Variants in PDS5A observed in about 807,000 individuals in gnomAD.
PDS5A encodes the protein sister chromatid cohesion protein PDS5 homolog A.
PDS5A carries 42 observed loss-of-function variants against 167.1 expected under a neutral mutation model. The ratio of observed to expected loss-of-function variants is 0.25; its 90% CI spans 0.20 to 0.33. PDS5A has a LOEUF of 0.33. PDS5A is among the 10% of genes least tolerant of loss of function. The pLI, the probability that PDS5A is intolerant of heterozygous loss-of-function variation, is 1.00. For synonymous variants in PDS5A, 553 were observed against 554.6 expected, an observed-to-expected ratio of 1.00 and a Z score of 0.04; for missense variants, 1,033 against 1,605.9, an observed-to-expected ratio of 0.64 and a Z score of 6.10.
chr4:39,946,426 C>T (rs1035574259), intron 2 of PDS5A, among the ~76,000 whole-genome samples: 6 of 151,818 alleles, frequency 4.0e-5, no homozygotes, highest in Admixed American at 1.3e-4. Flanking sequence ...AAGTGGGCAT[C>T]GCCTTCCTAT....
At chr4:39,901,017 AC>A (rs1722831733) in intron 13 of PDS5A, among the ~76,000 whole-genome samples, 1 of 152,224 alleles carries the variant, frequency 6.6e-6, no homozygotes, top group Non-Finnish European at 1.5e-5. Context: ...TGCCAAATTT[AC>A]ATTATTGTGT....
chr4:39,954,698 C>T (rs200757560), intron 2 of PDS5A, among the ~76,000 whole-genome samples: 10 of 82,238 alleles, frequency 1.2e-4, no homozygotes, highest in Non-Finnish European at 2.4e-4. Flanking sequence ...AAAAAAAAAA[C>T]AGAAACAGAG....
intron 2 of PDS5A, among the ~76,000 whole-genome samples, chr4:39,945,447 C>A (rs376606206): frequency 8.4e-6 from 1 of 119,080 alleles, no homozygotes; most frequent in African/African-American, 3.5e-5. Flanking sequence ...GGCGACAGAG[C>A]GAGACTGCCT....
Position 39,900,432 on chromosome 4 carries a change from C to T in PDS5A, c.1575G>A (p.Gln525=). Residue 525 remains glutamine, a synonymous_variant, in exon 14 of 33, where the codon CAG becomes CAA. Coordinates refer to ENST00000303538, the MANE Select transcript of PDS5A (RefSeq NM_001100399.2). ...HVRELLDLHK[Q]PTSEANCSAM... is the part of the protein sequence containing the mutation. ...AAACAAATCATGAACCTACTGTAGG[C>T]TGCTTGTGCAAATCCAATAGTTCGC... is the stretch of plus-strand genomic sequence containing the variant. 1 of 1,569,510 alleles carries T rather than the reference C, an allele frequency of 6.4e-7. No homozygotes were observed.
Position 39,867,777 on chromosome 4 carries a change from CCA to C in PDS5A, c.2506-782_2506-781del, listed in dbSNP as rs1560440079. Reference sequence around the variant, plus strand: ...ACACACACACACACACACACACACCCCACAACTGTACTGATTGTGGTGACTGA... The same window carrying C: ...ACACACACACACACACACACACACCCCAACTGTACTGATTGTGGTGACTGA... On this transcript the variant is annotated intron_variant, in intron 22 of 32. Coordinates refer to ENST00000303538, the MANE Select transcript of PDS5A (RefSeq NM_001100399.2). Among the ~76,000 whole-genome samples, 669 of 147,090 alleles carry C rather than the reference CCA, an allele frequency of 4.5e-3. 6 individuals carry two copies. Among genetic ancestry groups the C allele is most frequent in the African/African-American group, 0.016 (635 of 40,232 alleles).
chr4:39,908,596 T>C (rs998450408), intron 10 of PDS5A, 56 bp from the exon 11 acceptor site: 14 of 1,086,294 alleles, frequency 1.3e-5, no homozygotes, highest in African/African-American at 3.1e-5. Flanking sequence ...TTTGTCATGA[T>C]TTAGAATGGC....
At chr4:39,909,471 C>T (rs955111948) in intron 10 of PDS5A, among the ~76,000 whole-genome samples, 2 of 152,116 alleles carry the variant, frequency 1.3e-5, no homozygotes, top group African/African-American at 4.8e-5. Flanking sequence ...GAAAAGTCAA[C>T]TCACAATGCA....
chr4:39,894,633 C>G (rs1035015688), intron 16 of PDS5A, among the ~76,000 whole-genome samples: 1 of 152,056 alleles, frequency 6.6e-6, no homozygotes, highest in Middle Eastern at 3.2e-3. Context: ...TGCAGCTAGA[C>G]CTCTCCACAT....
chr4:39,906,477 A>C (rs1326834373), intron 11 of PDS5A, among the ~76,000 whole-genome samples: 1 of 152,052 alleles, frequency 6.6e-6, no homozygotes, highest in Non-Finnish European at 1.5e-5. Context: ...GGACTTTTAG[A>C]GGTTGGGAAG....
chr4:39,925,767 A>G, intron 5 of PDS5A, 69 bp downstream of exon 5: 1 of 508,670 alleles, frequency 2.0e-6, no homozygotes, highest in East Asian at 3.4e-5. Flanking sequence ...GTGTACATGT[A>G]GAGTATACAA....
chr4:39,833,664 A>G (rs144247518), intron 32 of PDS5A, among the ~76,000 whole-genome samples: 2 of 152,316 alleles, frequency 1.3e-5, no homozygotes, highest in Non-Finnish European at 2.9e-5. Flanking sequence ...TGGTAGGATT[A>G]TAGGCATGAA....
At position 39,873,101 on chromosome 4, in the gene PDS5A, A is replaced by G. The variant is rs904452984; in HGVS notation, c.2321T>C (p.Ile774Thr). 6 of 1,531,092 alleles carry G rather than the reference A, an allele frequency of 3.9e-6. No individual in the cohort carries two copies. In the African/African-American group the frequency reaches 5.4e-5, roughly 14 times the overall value. The allele number at this position is 1,531,092 out of a possible 1,614,324, so 94.8% of individuals were successfully genotyped here. A position where few individuals can be genotyped will look rare whatever the true frequency, so the allele number is the denominator to read the frequency against. ...GTGGCCCAATGAAACTAATGGAGTT[A>G]TAAGTTGTTCTGGCACATCAGCATT... ...SLNADVPEQL[I>T]TPLVSLGHIS... Residue 774 changes from isoleucine (I) to threonine (T), a missense_variant, in exon 21 of 33, where the codon ATA becomes ACA. Physicochemically the swap from Ile to Thr is moderately conservative, Grantham distance 89 (BLOSUM62 -1). This residue lies in a region of PDS5A where 367 missense variants were observed against 686.7 expected (regional missense o/e 0.53). Coordinates refer to ENST00000303538, the MANE Select transcript of PDS5A (RefSeq NM_001100399.2).
chr4:39,843,699 C>T (rs1717276308), intron 30 of PDS5A, among the ~76,000 whole-genome samples: 1 of 152,036 alleles, frequency 6.6e-6, no homozygotes, highest in African/African-American at 2.4e-5. Flanking sequence ...CAGAGACACT[C>T]TGTCTCAAAA....
At chr4:39,968,209 C>T (rs1730164438) in intron 2 of PDS5A, among the ~76,000 whole-genome samples, 1 of 151,928 alleles carries the variant, frequency 6.6e-6, no homozygotes, top group Admixed American at 6.6e-5. Flanking sequence ...CCGTTTCAGC[C>T]TCCCAAAGTG....
intron 2 of PDS5A, among the ~76,000 whole-genome samples, chr4:39,957,857 TA>T (rs1275314974): frequency 6.7e-6 from 1 of 150,330 alleles, no homozygotes; most frequent in Non-Finnish European, 1.5e-5. Flanking sequence ...GACATGAGGC[TA>T]AAAAAAGACT....
At position 39,873,726 on chromosome 4, in the gene PDS5A, T is replaced by G. The variant is rs1720242746; in HGVS notation, c.2277+563A>C. ...AAATGCACCACTGAACCAATAAGGCTAAAATTAAGTAAAATGTTCTAACAT... is the reference window on the plus strand; with the variant it reads ...AAATGCACCACTGAACCAATAAGGCGAAAATTAAGTAAAATGTTCTAACAT... On this transcript the variant is annotated intron_variant, in intron 20 of 32. Transcript: ENST00000303538. Among the ~76,000 whole-genome samples the G allele has an allele frequency of 2.0e-5, 3 of 152,150 alleles. No individual in the cohort carries two copies. The South Asian group carries it at 6.2e-4, about 32-fold the overall frequency.
chr4:39,958,649 C>CT (rs1729193216), intron 2 of PDS5A, among the ~76,000 whole-genome samples: 1 of 150,502 alleles, frequency 6.6e-6, no homozygotes, highest in Non-Finnish European at 1.5e-5. Flanking sequence ...GAGTCTCACT[C>CT]TATCACCTAG....
intron 18 of PDS5A, 58 bp downstream of exon 18, chr4:39,879,670 G>GTTCC (rs2109589499): frequency 1.0e-6 from 1 of 992,414 alleles, no homozygotes; most frequent in Non-Finnish European, 1.6e-6. Context: ...ATATCCTGAA[G>GTTCC]GGAAGGCAAA....
At chr4:39,833,617 T>C (rs1716127389) in intron 32 of PDS5A, among the ~76,000 whole-genome samples, 2 of 152,114 alleles carry the variant, frequency 1.3e-5, no homozygotes. Context: ...CTTAAACTCC[T>C]AGGCTCCAGT....
Sources: gnomAD v4.1 joint callset for allele counts (sites outside exome capture counted in the v4.1 genomes callset) on GRCh38, gnomAD v4.1.1 for gene constraint, gnomAD v4.1.1 regional missense constraint, MANE v1.5 for transcripts, NCBI Gene and HGNC (gene_info 2026-07-23, HGNC 2026-07-21) for gene names.